RABGAP1L: variants seen among roughly 807,000 people sequenced by gnomAD.
RABGAP1L encodes the protein rab GTPase-activating protein 1-like.
RABGAP1L carries 63 observed loss-of-function variants against 137.7 expected under a neutral mutation model. The observed-to-expected ratio is 0.46, with a 90% CI of 0.37 to 0.56. The LOEUF is 0.56. RABGAP1L is among the 20% of genes least tolerant of loss of function. The pLI, the probability that RABGAP1L is intolerant of heterozygous loss-of-function variation, is 0.00. For missense variants in RABGAP1L, 1,095 were observed against 1,244.0 expected, an observed-to-expected ratio of 0.88 and a Z score of 1.80; for synonymous variants, 431 against 433.7, an observed-to-expected ratio of 0.99 and a Z score of 0.08.
intron 14 of RABGAP1L, among the ~76,000 whole-genome samples, chr1:174,677,960 A>T (rs1035980798): frequency 2.0e-5 from 3 of 152,110 alleles, no homozygotes; most frequent in African/African-American, 7.2e-5. Flanking sequence ...AAAAGATAAA[A>T]CCAAAAGCCA....
intron 17 of RABGAP1L, among the ~76,000 whole-genome samples, chr1:174,717,566 T>A (rs1558013418): frequency 6.6e-6 from 1 of 152,188 alleles, no homozygotes. Flanking sequence ...AAAAACAGCT[T>A]AAAATAAGTG....
chr1:174,161,400 G>C (rs1247326651), intron 1 of RABGAP1L, among the ~76,000 whole-genome samples: 1 of 151,830 alleles, frequency 6.6e-6, no homozygotes, highest in Non-Finnish European at 1.5e-5. Flanking sequence ...GCGCCGCCAC[G>C]CCTGGCTAAT....
intron 1 of RABGAP1L, among the ~76,000 whole-genome samples, chr1:174,214,965 A>T (rs1203996638): frequency 6.6e-6 from 1 of 152,242 alleles, no homozygotes; most frequent in Non-Finnish European, 1.5e-5. Context: ...AGCATGGGCA[A>T]AAAAAGCAAA....
chr1:174,784,640 G>A (rs181067503), intron 18 of RABGAP1L, among the ~76,000 whole-genome samples: 25 of 152,278 alleles, frequency 1.6e-4, no homozygotes, highest in African/African-American at 5.8e-4. Flanking sequence ...CTGGCCTGAG[G>A]GGCATGTCAG....
intron 18 of RABGAP1L, among the ~76,000 whole-genome samples, chr1:174,775,742 C>T (rs1000382667): frequency 6.6e-6 from 1 of 152,140 alleles, no homozygotes; most frequent in African/African-American, 2.4e-5. Flanking sequence ...TTCCAAGGCT[C>T]CCTTGGATTA....
chr1:174,251,244 A>C (rs1398010178), intron 6 of RABGAP1L, among the ~76,000 whole-genome samples: 1 of 152,000 alleles, frequency 6.6e-6, no homozygotes, highest in African/African-American at 2.4e-5. Context: ...TTTCTAGGGG[A>C]ATTTTTACAC....
chr1:174,494,067 A>G (rs961424925), intron 13 of RABGAP1L, among the ~76,000 whole-genome samples: 1 of 152,076 alleles, frequency 6.6e-6, no homozygotes, highest in Admixed American at 6.6e-5. Context: ...TTGGGAGTAT[A>G]TATTTAGAAC....
chr1:174,463,417 A>G (rs1656930893), intron 13 of RABGAP1L, among the ~76,000 whole-genome samples: 1 of 152,010 alleles, frequency 6.6e-6, no homozygotes, highest in South Asian at 2.1e-4. Context: ...CAAAAACAAA[A>G]AACCAAACAC....
chr1:174,368,848 AT>A (rs1050668733), intron 11 of RABGAP1L, among the ~76,000 whole-genome samples: 7 of 152,220 alleles, frequency 4.6e-5, no homozygotes, highest in Non-Finnish European at 1.5e-5. Context: ...CTACAAGAGT[AT>A]TATGAATTTG....
At chr1:174,976,553 A>G (rs982171726) in intron 22 of RABGAP1L, among the ~76,000 whole-genome samples, 7 of 152,222 alleles carry the variant, frequency 4.6e-5, no homozygotes, top group African/African-American at 1.7e-4. Context: ...GAAGTAGTTT[A>G]TGAGCATTGT....
chr1:174,530,838 CGTACGTTT>C (rs1266420627), intron 13 of RABGAP1L, among the ~76,000 whole-genome samples: 2 of 55,018 alleles, frequency 3.6e-5, no homozygotes, highest in East Asian at 1.2e-3. Flanking sequence ...TACATACATA[CGTACGTTT>C]GTGTAGGGAA....
rs1035486704 is a variant in RABGAP1L, at chr1:174,289,152, C to T, written c.1323+10373C>T. Among the ~76,000 whole-genome samples the T allele has an allele frequency of 3.6e-4, 55 of 152,234 alleles. 1 individual carries two copies. Among genetic ancestry groups the T allele is most frequent in the Middle Eastern group, 3.4e-3 (1 of 294 alleles). On this transcript the variant is annotated intron_variant, in intron 10 of 25. Transcript: ENST00000681986. ...TCCAGGGCTCAAGTGATGATCCCAC[C>T]TTAGCCTCCCAAATAGCTAGAAAAA... is the stretch of plus-strand genomic sequence containing the variant.
At chr1:174,875,185 A>T (rs1426041124) in intron 19 of RABGAP1L, among the ~76,000 whole-genome samples, 1 of 152,268 alleles carries the variant, frequency 6.6e-6, no homozygotes, top group Non-Finnish European at 1.5e-5. Context: ...GTTTCTGTGT[A>T]TGTAAACTTA....
chr1:174,370,812 A>G (rs959643249), intron 11 of RABGAP1L, among the ~76,000 whole-genome samples, 167 bp from the exon 12 acceptor site: 1 of 152,020 alleles, frequency 6.6e-6, no homozygotes, highest in Admixed American at 6.6e-5. Flanking sequence ...ATATCTAGGC[A>G]CTGAAGATAA....
At chr1:174,923,147 G>GAAAA (rs61592378) in intron 19 of RABGAP1L, among the ~76,000 whole-genome samples, 3 of 130,312 alleles carry the variant, frequency 2.3e-5, no homozygotes, top group South Asian at 2.5e-4. Context: ...CCCTATCTCA[G>GAAAA]AAAAAAAAAA....
intron 17 of RABGAP1L, among the ~76,000 whole-genome samples, chr1:174,736,721 A>G (rs1572977091): frequency 6.6e-6 from 1 of 152,220 alleles, no homozygotes; most frequent in South Asian, 2.1e-4. Flanking sequence ...TCTAGGGGAA[A>G]TCTGCCAAGC....
intron 13 of RABGAP1L, among the ~76,000 whole-genome samples, chr1:174,603,188 C>T (rs747037439): frequency 6.6e-6 from 1 of 152,190 alleles, no homozygotes; most frequent in Non-Finnish European, 1.5e-5. Context: ...AAACCAGTAA[C>T]ACTATGACTC....
intron 13 of RABGAP1L, among the ~76,000 whole-genome samples, chr1:174,634,831 A>T (rs1469973411): frequency 6.9e-6 from 1 of 144,278 alleles, no homozygotes; most frequent in African/African-American, 2.7e-5. Flanking sequence ...GGAATTGAAC[A>T]ATGAGATCAC....
At chr1:174,490,881 T>C (rs886550894) in intron 13 of RABGAP1L, among the ~76,000 whole-genome samples, 1 of 152,054 alleles carries the variant, frequency 6.6e-6, no homozygotes, top group Non-Finnish European at 1.5e-5. Context: ...ACTGCCAGGC[T>C]TCCACCAATG....
Sources: allele counts gnomAD v4.1 joint callset (sites outside exome capture counted in the v4.1 genomes callset), GRCh38; gene constraint gnomAD v4.1.1; transcripts MANE v1.5; gene names NCBI Gene and HGNC (gene_info 2026-07-23, HGNC 2026-07-21).